The following EPB41L4B variants were observed in gnomAD, a reference collection of about 807,000 sequenced individuals.
EPB41L4B encodes the protein band 4.1-like protein 4B.
In EPB41L4B, 30 loss-of-function variants were observed where a neutral mutation model predicts 112.5. That is an observed-to-expected ratio of 0.27 (90% CI 0.20 to 0.36). The LOEUF (loss-of-function observed/expected upper bound fraction) is 0.36. EPB41L4B is among the 10% of genes least tolerant of loss of function. EPB41L4B has a pLI of 1.00. For missense variants in EPB41L4B, 1,024 were observed against 1,133.3 expected (o/e 0.90, Z 1.38); for synonymous variants, 408 against 439.7 (o/e 0.93, Z 0.90).
At chr9:109,266,864 G>A (rs531826495) in intron 4 of EPB41L4B, among the ~76,000 whole-genome samples, 50 of 151,588 alleles carry the variant, frequency 3.3e-4, no homozygotes, top group African/African-American at 1.2e-3. Context: ...ATCTACTCGG[G>A]TGGCTGAGGC....
At chr9:109,230,884 G>A (rs1381992004) in intron 15 of EPB41L4B, among the ~76,000 whole-genome samples, 1 of 152,162 alleles carries the variant, frequency 6.6e-6, no homozygotes, top group African/African-American at 2.4e-5. Flanking sequence ...TTGGCCACAA[G>A]TGGTGGCTCA....
Position 109,295,986 on chromosome 9 carries a change from A to T in EPB41L4B, c.307-16065T>A, listed in dbSNP as rs3793550. On this transcript the variant is annotated intron_variant, in intron 1 of 25. Coordinates refer to ENST00000374566, the MANE Select transcript of EPB41L4B (RefSeq NM_019114.5). ...TGGATGTCTCTGTGCCAGAGGTTGAATTTGAAACAAGCTGCTGGAAGAAGG... is the reference window on the plus strand; with the variant it reads ...TGGATGTCTCTGTGCCAGAGGTTGATTTTGAAACAAGCTGCTGGAAGAAGG... 6.3e-3 allele frequency among the ~76,000 whole-genome samples: 961 copies of T among 152,352 alleles called. 22 individuals are homozygous for T. In the East Asian group the frequency reaches 0.094, roughly 15 times the overall value.
At chr9:109,175,228 C>A (rs1831777443) in intron 25 of EPB41L4B, among the ~76,000 whole-genome samples, 1 of 151,878 alleles carries the variant, frequency 6.6e-6, no homozygotes, top group Non-Finnish European at 1.5e-5. Flanking sequence ...TCAGTAAAGA[C>A]TTTTGAATGA....
intron 6 of EPB41L4B, among the ~76,000 whole-genome samples, chr9:109,260,263 T>A (rs2119046279): frequency 6.6e-6 from 1 of 151,948 alleles, no homozygotes; most frequent in East Asian, 1.9e-4. Context: ...AGAGACAGGG[T>A]TTTGCCATGT....
At position 109,194,347 on chromosome 9, in the gene EPB41L4B, G is replaced by A. The variant is rs959968279; in HGVS notation, c.2096C>T (p.Thr699Ile). 4.2e-5 allele frequency: 68 copies of A among 1,614,092 alleles called. No individual in the cohort carries two copies. The highest frequency in any genetic ancestry group is 5.7e-5 in the Non-Finnish European group (67 of 1,180,054). The change falls in exon 21 of 26, where the codon ACA becomes ATA. Residue 699 changes from threonine (T) to isoleucine (I), a missense_variant. By Grantham distance (89) the Thr-to-Ile change is moderately conservative (BLOSUM62 -1). Transcript: ENST00000374566. The stretch of plus-strand genomic sequence containing the variant: ...CGTTGTGGTGTTTGTGGTTGTAGAT[G>A]TGGTCACTCCCACTGCCTCGGCCAG... ...PDLAEAVGVT[T>I]STTTNTTTAA... is the part of the protein sequence containing the mutation.
intron 15 of EPB41L4B, among the ~76,000 whole-genome samples, chr9:109,229,516 T>C (rs946962544): frequency 6.6e-6 from 1 of 152,248 alleles, no homozygotes; most frequent in African/African-American, 2.4e-5. Context: ...TTATGTCATG[T>C]GTCTTCACTC....
intron 14 of EPB41L4B, among the ~76,000 whole-genome samples, chr9:109,246,421 A>G (rs1294326074): frequency 2.0e-5 from 3 of 152,086 alleles, no homozygotes; most frequent in Non-Finnish European, 4.4e-5. Context: ...TGGCTTCCCA[A>G]CGTGCTGGGA....
At chr9:109,180,266 C>A (rs1447737068) in intron 24 of EPB41L4B, among the ~76,000 whole-genome samples, 1 of 152,238 alleles carries the variant, frequency 6.6e-6, no homozygotes, top group African/African-American at 2.4e-5. Flanking sequence ...AGCATGGTTT[C>A]TGCCATTGGC....
At chr9:109,303,894 T>G (rs1345853482) in intron 1 of EPB41L4B, among the ~76,000 whole-genome samples, 1 of 152,192 alleles carries the variant, frequency 6.6e-6, no homozygotes, top group East Asian at 1.9e-4. Flanking sequence ...CCATTATGTT[T>G]TTTCCCTTTT....
intron 1 of EPB41L4B, among the ~76,000 whole-genome samples, chr9:109,317,221 A>T (rs2119294529): frequency 6.6e-6 from 1 of 152,296 alleles, no homozygotes; most frequent in Non-Finnish European, 1.5e-5. Flanking sequence ...TCTCTTTATT[A>T]TATACAACAA....
At chr9:109,208,137 A>T in intron 17 of EPB41L4B, 88 bp from the exon 18 acceptor site, 2 of 1,500,882 alleles carry the variant, frequency 1.3e-6, no homozygotes, top group Non-Finnish European at 9.2e-7. Context: ...AACTGCATAT[A>T]ACACAGACCT....
intron 18 of EPB41L4B, among the ~76,000 whole-genome samples, chr9:109,205,373 A>G (rs1322276905): frequency 1.3e-5 from 2 of 152,166 alleles, no homozygotes; most frequent in Non-Finnish European, 2.9e-5. Flanking sequence ...AAGATACTGC[A>G]CTTCTCCAAT....
At chr9:109,180,159 T>G (rs1195519413) in intron 24 of EPB41L4B, among the ~76,000 whole-genome samples, 1 of 152,186 alleles carries the variant, frequency 6.6e-6, no homozygotes, top group Non-Finnish European at 1.5e-5. Flanking sequence ...CCCTTGAATG[T>G]GTGATGACCC....
In EPB41L4B at chr9:109,258,163, T is replaced by C. The variant is rs775535287; in HGVS notation, c.752+14A>G. ...ATAGATACATCAGAATGCTAGACGG[T>C]TGCATCAAGGTACCTGCACTCTTTC... On this transcript the variant is annotated intron_variant, in intron 7 of 25. Coordinates refer to ENST00000374566, the MANE Select transcript of EPB41L4B (RefSeq NM_019114.5). 2 of 1,607,574 alleles carry C rather than the reference T, an allele frequency of 1.2e-6. No homozygotes were observed. Among genetic ancestry groups the C allele is most frequent in the Non-Finnish European group, 8.5e-7 (1 of 1,175,222 alleles).
intron 7 of EPB41L4B, among the ~76,000 whole-genome samples, chr9:109,257,387 G>C (rs1835023197): frequency 6.6e-6 from 1 of 151,902 alleles, no homozygotes; most frequent in African/African-American, 2.4e-5. Flanking sequence ...GGAATGGAGG[G>C]AAAAAACAAA....
rs529814218 is a variant in EPB41L4B, at chr9:109,256,562, C to A, written c.753-82G>T. 5 of 1,170,396 alleles carry A rather than the reference C, an allele frequency of 4.3e-6. No individual in the cohort carries two copies. The African/African-American group carries it at 6.1e-5, about 14-fold the overall frequency. The allele number at this position is 1,170,396 out of a possible 1,614,324, so 72.5% of individuals were successfully genotyped here. On this transcript the variant is annotated intron_variant, in intron 7 of 25. Coordinates refer to ENST00000374566, the MANE Select transcript of EPB41L4B (RefSeq NM_019114.5). Reference sequence around the variant, plus strand: ...TGAAGGGCACGGCCTTACTATGGAACGTTATGCAGCAATTAAAGCAATGAG... The same window carrying A: ...TGAAGGGCACGGCCTTACTATGGAAAGTTATGCAGCAATTAAAGCAATGAG...
At chr9:109,310,968 T>C (rs1016488759) in intron 1 of EPB41L4B, among the ~76,000 whole-genome samples, 5 of 152,182 alleles carry the variant, frequency 3.3e-5, no homozygotes, top group Non-Finnish European at 7.3e-5. Flanking sequence ...ATTCCACTTA[T>C]ATGGGGTACC....
intron 1 of EPB41L4B, among the ~76,000 whole-genome samples, chr9:109,297,741 C>T (rs1836792606): frequency 1.3e-5 from 2 of 152,218 alleles, no homozygotes; most frequent in Admixed American, 6.5e-5. Flanking sequence ...TCCCTAATAG[C>T]CTGGATGCTT....
At position 109,200,317 on chromosome 9, in the gene EPB41L4B, C is replaced by A. The variant is rs574067434; in HGVS notation, c.1964G>T (p.Arg655Leu). 2 of 1,613,956 alleles carry A rather than the reference C, an allele frequency of 1.2e-6. No individual in the cohort carries two copies. Among genetic ancestry groups the A allele is most frequent in the Admixed American group, 3.3e-5 (2 of 60,000 alleles). Reference sequence around the variant, plus strand: ...CACAGCTGGCTGGGCAGTTTCCACACGAATAGGAATAGGACTTCTAGAGAC... The same window carrying A: ...CACAGCTGGCTGGGCAGTTTCCACAAGAATAGGAATAGGACTTCTAGAGAC... ...DASVRSPIPI[R>L]VETAQPAVEK... The change falls in exon 20 of 26, where the codon CGT becomes CTT. Residue 655 changes from arginine (R) to leucine (L), a missense_variant. By Grantham distance (102) the Arg-to-Leu change is moderately radical. Transcript: ENST00000374566.
Sources: gnomAD v4.1 joint callset for allele counts (sites outside exome capture counted in the v4.1 genomes callset) on GRCh38, gnomAD v4.1.1 for gene constraint, MANE v1.5 for transcripts, NCBI Gene and HGNC (gene_info 2026-07-23, HGNC 2026-07-21) for gene names.